KLHL5: variants seen among roughly 807,000 people sequenced by gnomAD.
The protein encoded by KLHL5 is kelch like family member 5, also known as kelch-like protein 5.
Under a neutral mutation model 77.7 loss-of-function variants are expected in KLHL5, and 48 were observed. That is an observed-to-expected ratio of 0.62 (90% CI 0.49 to 0.79). KLHL5 has a LOEUF of 0.79. Among genes scored for constraint, KLHL5 ranks in the 30% least tolerant of loss-of-function variants. The probability of loss-of-function intolerance (pLI) is 0.00; values close to 1 mark genes in which losing one functional copy is unlikely to be tolerated. For missense variants in KLHL5, 723 were observed against 859.7 expected (o/e 0.84, Z 1.99); for synonymous variants, 260 against 297.0 (o/e 0.88, Z 1.28).
At chr4:39,071,295 G>A (rs114339972) in intron 1 of KLHL5, among the ~76,000 whole-genome samples, 2,473 of 152,210 alleles carry the variant, frequency 0.016, 63 homozygotes, top group African/African-American at 0.056. Flanking sequence ...CACAAACTAG[G>A]AGTAAATCAC....
At chr4:39,130,869 G>T (rs139474265), downstream of KLHL5, among the ~76,000 whole-genome samples, 147 of 151,738 alleles carry the variant, frequency 9.7e-4, 1 homozygote, top group African/African-American at 3.3e-3. Context: ...TTGAGACAAG[G>T]TCTCACTCTG....
intron 1 of KLHL5, among the ~76,000 whole-genome samples, chr4:39,048,025 G>A (rs573794984): frequency 2.6e-5 from 4 of 152,306 alleles, no homozygotes; most frequent in South Asian, 4.1e-4. Context: ...TGGAATAAAT[G>A]TTGAGAATCT....
At chr4:39,069,463 TATATATATATACAC>T (rs1229272922) in intron 1 of KLHL5, among the ~76,000 whole-genome samples, 16 of 56,368 alleles carry the variant, frequency 2.8e-4, no homozygotes, top group East Asian at 9.1e-4. Context: ...TATATATATA[TATATATATATACAC>T]ACACACACAC....
At chr4:39,093,437 T>C (rs1720772632) in intron 5 of KLHL5, 2 of 456,006 alleles carry the variant, frequency 4.4e-6, no homozygotes, top group African/African-American at 4.0e-5. Context: ...CACAACTTGG[T>C]AATTTACTAC....
the KLHL5 span, among the ~76,000 whole-genome samples, chr4:39,140,217 A>G: frequency 2.2e-4 from 33 of 152,314 alleles, no homozygotes; most frequent in African/African-American, 7.9e-4. Context: ...TGACAAAGTG[A>G]GACCCTGTCT....
chr4:39,056,876 A>G (rs1717043941), intron 1 of KLHL5, among the ~76,000 whole-genome samples: 1 of 152,160 alleles, frequency 6.6e-6, no homozygotes, highest in African/African-American at 2.4e-5. Context: ...CAGCCATCCT[A>G]TAAGGTCTCT....
At chr4:39,071,163 G>A (rs966330495) in intron 1 of KLHL5, among the ~76,000 whole-genome samples, 4 of 152,084 alleles carry the variant, frequency 2.6e-5, no homozygotes, top group African/African-American at 4.8e-5. Flanking sequence ...AAAAGGATAT[G>A]TATCAAATTT....
Position 39,081,662 on chromosome 4 carries a change from C to T in KLHL5, c.704-301C>T, listed in dbSNP as rs1329377232. Reference sequence around the variant, plus strand: ...TCCAGCCTGGGCAATAGAACAAGACCGTGTCTCAAAAAAAAAAAAAAATTG... The same window carrying T: ...TCCAGCCTGGGCAATAGAACAAGACTGTGTCTCAAAAAAAAAAAAAAATTG... On this transcript the variant is annotated intron_variant, in intron 3 of 10. Transcript: ENST00000504108. The surrounding 1 kb of genome is among the most constrained non-coding windows in gnomAD (Gnocchi z 4.3). 2.0e-5 allele frequency among the ~76,000 whole-genome samples: 3 copies of T among 148,100 alleles called. No individual in the cohort carries two copies. Among genetic ancestry groups the T allele is most frequent in the African/African-American group, 7.5e-5 (3 of 40,068 alleles).
At chr4:39,063,507 C>T in intron 1 of KLHL5, 2 of 402,624 alleles carry the variant, frequency 5.0e-6, no homozygotes, top group South Asian at 1.9e-5. Flanking sequence ...AATTTTTTGA[C>T]ACAATTGTAG....
chr4:39,120,290 T>G (rs953730828), intron 10 of KLHL5: 4 of 152,168 alleles, frequency 2.6e-5, no homozygotes, highest in Non-Finnish European at 4.4e-5. Context: ...GAGTTCCTAT[T>G]GTTCAAAAAA....
chr4:39,063,227 A>G lies in KLHL5; in HGVS notation c.383+192A>G, dbSNP rs572608709. Among the ~76,000 whole-genome samples, 58 of 152,286 alleles carry G rather than the reference A, an allele frequency of 3.8e-4. 1 individual carries two copies. The highest frequency in any genetic ancestry group is 1.3e-3 in the African/African-American group (52 of 41,564). On this transcript the variant is annotated intron_variant, in intron 1 of 10. Transcript: ENST00000504108. ...ATGTTCTAATAGTCTGTAAAATTAC[A>G]AAGACAACAAATAGCATTCATTTTG...
chr4:39,052,615 C>T (rs1716734890), intron 1 of KLHL5, among the ~76,000 whole-genome samples: 2 of 152,126 alleles, frequency 1.3e-5, no homozygotes, highest in African/African-American at 4.8e-5. Context: ...AAGAATTGCA[C>T]TTTAGAAGGC....
At position 39,108,092 on chromosome 4, in the gene KLHL5, G is replaced by A. The variant is rs138765362; in HGVS notation, c.1688+361G>A. Among the ~76,000 whole-genome samples the A allele has an allele frequency of 2.3e-3, 351 of 151,872 alleles. 1 individual carries two copies. The highest frequency in any genetic ancestry group is 7.7e-3 in the African/African-American group (318 of 41,500). On this transcript the variant is annotated intron_variant, in intron 8 of 10. Transcript: ENST00000504108. ...GTATATATGGTCTTTTAAAAGTAGT[G>A]TAGTCTTTCTCAGTGTTTCTCTAAA...
the KLHL5 span, among the ~76,000 whole-genome samples, chr4:39,132,725 C>A: frequency 5.9e-5 from 9 of 152,136 alleles, no homozygotes; most frequent in African/African-American, 2.2e-4. Flanking sequence ...AAAATAAATG[C>A]CCACAGAAAA....
the KLHL5 span, among the ~76,000 whole-genome samples, chr4:39,132,334 C>A: frequency 6.6e-6 from 1 of 152,122 alleles, no homozygotes; most frequent in Admixed American, 6.5e-5. Flanking sequence ...CTAAACTGGG[C>A]GTGTTGGCTC....
At position 39,124,815 on chromosome 4, in the gene KLHL5, A is replaced by AAAAAAAAAAAAT; in HGVS notation, c.*3750_*3761dup. ...AAGCAACAACAGCAAAAAAAAAAAA[A>AAAAAAAAAAAAT]AAAAAAAAAAATCAAAATTAAAAGC... On this transcript the variant is annotated 3_prime_UTR_variant, in exon 11 of 11. Coordinates refer to ENST00000504108, the MANE Select transcript of KLHL5 (RefSeq NM_015990.5). 6.9e-6 allele frequency among the ~76,000 whole-genome samples: 1 copy of AAAAAAAAAAAAT among 145,974 alleles called. No homozygotes were observed. Among genetic ancestry groups the AAAAAAAAAAAAT allele is most frequent in the African/African-American group, 2.7e-5 (1 of 36,916 alleles).
At chr4:39,063,639 C>A (rs1664758746) in intron 1 of KLHL5, 7 of 421,360 alleles carry the variant, frequency 1.7e-5, no homozygotes, top group Admixed American at 1.5e-4. Flanking sequence ...ATTCCTGTTA[C>A]CTTCACTTTC....
chr4:39,114,095 G>A (rs1283182314), intron 9 of KLHL5, among the ~76,000 whole-genome samples: 1 of 152,140 alleles, frequency 6.6e-6, no homozygotes, highest in Non-Finnish European at 1.5e-5. Flanking sequence ...AAAGTTTGTT[G>A]ATGATAATGA....
the KLHL5 span, among the ~76,000 whole-genome samples, chr4:39,140,259 C>A: frequency 0.99 from 150,746 of 152,302 alleles, 74,606 homozygotes; most frequent in East Asian, 1. Context: ...ATGACAGCTA[C>A]AAGCAGTGCA....
Sources: allele counts gnomAD v4.1 joint callset (sites outside exome capture counted in the v4.1 genomes callset), GRCh38; gene constraint gnomAD v4.1.1; non-coding constraint Gnocchi (gnomAD v3.1); transcripts MANE v1.5; gene names NCBI Gene and HGNC (gene_info 2026-07-23, HGNC 2026-07-21).